The following GALNTL6 variants were observed in gnomAD, a reference collection of about 807,000 sequenced individuals.
GALNTL6 encodes the protein polypeptide N-acetylgalactosaminyltransferase-like 6.
A neutral mutation model predicts 73.7 loss-of-function variants in GALNTL6; 46 were observed. The observed-to-expected ratio is 0.62, with a 90% CI of 0.49 to 0.80. The LOEUF (loss-of-function observed/expected upper bound fraction) is 0.80. GALNTL6 is among the 30% of genes least tolerant of loss of function. The pLI is 0.00. For synonymous variants in GALNTL6, 259 were observed against 263.7 expected, an observed-to-expected ratio of 0.98 and a Z score of 0.17; for missense variants, 604 against 755.0, an observed-to-expected ratio of 0.80 and a Z score of 2.34.
At chr4:172,114,645 G>A (rs914861833) in intron 2 of GALNTL6, among the ~76,000 whole-genome samples, 20 of 152,080 alleles carry the variant, frequency 1.3e-4, no homozygotes, top group Non-Finnish European at 2.4e-4. Flanking sequence ...GAGGCCCAGA[G>A]ATTGACAATT....
intron 8 of GALNTL6, among the ~76,000 whole-genome samples, chr4:172,915,967 C>A (rs1293679942): frequency 6.6e-6 from 1 of 152,124 alleles, no homozygotes; most frequent in East Asian, 1.9e-4. Flanking sequence ...AGGCCAATAC[C>A]CCTGATGAAC....
intron 7 of GALNTL6, among the ~76,000 whole-genome samples, chr4:172,820,966 T>A (rs941764106): frequency 5.9e-5 from 9 of 152,192 alleles, no homozygotes; most frequent in Admixed American, 2.6e-4. Context: ...GTTAACTAGG[T>A]CTTCAGCTCT....
intron 4 of GALNTL6, among the ~76,000 whole-genome samples, chr4:172,334,058 A>C (rs1241938544): frequency 6.6e-6 from 1 of 152,114 alleles, no homozygotes; most frequent in Non-Finnish European, 1.5e-5. Context: ...ATCTATTTTT[A>C]TACCAATACC....
intron 2 of GALNTL6, among the ~76,000 whole-genome samples, chr4:172,106,430 G>A (rs1180300255): frequency 1.3e-5 from 2 of 152,052 alleles, no homozygotes; most frequent in African/African-American, 2.4e-5. Context: ...TTTAATCTAT[G>A]TAATAAACAT....
intron 2 of GALNTL6, among the ~76,000 whole-genome samples, chr4:171,941,765 G>C (rs1211794151): frequency 6.6e-6 from 1 of 152,112 alleles, no homozygotes; most frequent in Non-Finnish European, 1.5e-5. Flanking sequence ...CGAACTGGCA[G>C]AATTTTTTTC....
chr4:172,128,065 T>C (rs950328191), intron 2 of GALNTL6, among the ~76,000 whole-genome samples: 1 of 151,988 alleles, frequency 6.6e-6, no homozygotes, highest in African/African-American at 2.4e-5. Flanking sequence ...GATGGTGCCA[T>C]TGCATATCAG....
chr4:172,736,976 G>A (rs575995391), intron 5 of GALNTL6, among the ~76,000 whole-genome samples: 1 of 152,256 alleles, frequency 6.6e-6, no homozygotes, highest in South Asian at 2.1e-4. Context: ...CACCATGATT[G>A]TGAGGCATCC....
chr4:171,885,384 G>C (rs1736579372), intron 2 of GALNTL6, among the ~76,000 whole-genome samples: 1 of 152,132 alleles, frequency 6.6e-6, no homozygotes, highest in African/African-American at 2.4e-5. Context: ...TTTGTCTACA[G>C]AGTTAATCTT....
chr4:171,988,269 T>C (rs1466504551), intron 2 of GALNTL6, among the ~76,000 whole-genome samples: 4 of 152,080 alleles, frequency 2.6e-5, no homozygotes, highest in African/African-American at 9.7e-5. Flanking sequence ...GGATTGACGT[T>C]TGGGAGATTA....
intron 5 of GALNTL6, among the ~76,000 whole-genome samples, chr4:172,694,138 C>A (rs74546037): frequency 7.4e-6 from 1 of 135,282 alleles, no homozygotes; most frequent in Non-Finnish European, 1.6e-5. Flanking sequence ...TTTTTTTTTT[C>A]TTTTATTCTT....
At position 172,254,478 on chromosome 4, in the gene GALNTL6, C is replaced by CAA. The variant is rs1491213675; in HGVS notation, c.247+24715_247+24716insAA. ...TCCTCTCAGCTTTTAGAAGTTTAAACACACACACACTCCACTCCCACATAT... is the reference window on the plus strand; with the variant it reads ...TCCTCTCAGCTTTTAGAAGTTTAAACAAACACACACACTCCACTCCCACATAT... On this transcript the variant is annotated intron_variant, in intron 3 of 12. Transcript: ENST00000506823. Among the ~76,000 whole-genome samples, 7 of 23,094 alleles carry CAA rather than the reference C, an allele frequency of 3.0e-4. No homozygotes were observed. In the African/African-American group the frequency reaches 0.012, roughly 40 times the overall value. 15.2% of individuals were successfully genotyped at this position (23,094 alleles called of 152,430 possible). A position where few individuals can be genotyped will look rare whatever the true frequency, so the allele number is the denominator to read the frequency against.
chr4:172,604,635 C>A (rs1193830665), intron 5 of GALNTL6, among the ~76,000 whole-genome samples: 2 of 152,162 alleles, frequency 1.3e-5, no homozygotes, highest in Non-Finnish European at 2.9e-5. Flanking sequence ...ACACTAGCTG[C>A]ATATACCATC....
intron 8 of GALNTL6, among the ~76,000 whole-genome samples, chr4:172,924,920 A>C (rs1003740820): frequency 6.6e-6 from 1 of 152,136 alleles, no homozygotes; most frequent in Non-Finnish European, 1.5e-5. Flanking sequence ...TCGCCAGGCT[A>C]GAGTGCAGTG....
intron 5 of GALNTL6, among the ~76,000 whole-genome samples, chr4:172,349,794 G>C (rs1741877802): frequency 6.6e-6 from 1 of 150,526 alleles, no homozygotes; most frequent in Admixed American, 6.6e-5. Flanking sequence ...CTCCAGCCTG[G>C]GTGACAGAGC....
chr4:172,618,735 C>T (rs557160946), intron 5 of GALNTL6, among the ~76,000 whole-genome samples: 2 of 151,828 alleles, frequency 1.3e-5, no homozygotes, highest in Non-Finnish European at 2.9e-5. Flanking sequence ...GTTTTTGTTT[C>T]TTTTTTTGAG....
At chr4:171,895,166 A>T (rs1388656934) in intron 2 of GALNTL6, among the ~76,000 whole-genome samples, 1 of 152,228 alleles carries the variant, frequency 6.6e-6, no homozygotes, top group African/African-American at 2.4e-5. Context: ...ATCTGGACAC[A>T]ATATCTTGAA....
At chr4:171,976,483 A>G (rs1739724885) in intron 2 of GALNTL6, among the ~76,000 whole-genome samples, 1 of 152,330 alleles carries the variant, frequency 6.6e-6, no homozygotes, top group Admixed American at 6.5e-5. Context: ...CACATTTGAG[A>G]TAGGGTGTTC....
intron 3 of GALNTL6, among the ~76,000 whole-genome samples, chr4:172,310,460 G>T (rs961937510): frequency 6.6e-6 from 1 of 151,852 alleles, no homozygotes; most frequent in Non-Finnish European, 1.5e-5. Context: ...TAGTAGAGAC[G>T]GCATTTCGCC....
intron 3 of GALNTL6, among the ~76,000 whole-genome samples, chr4:172,288,053 G>A (rs941655024): frequency 6.6e-6 from 1 of 151,590 alleles, no homozygotes; most frequent in African/African-American, 2.4e-5. Flanking sequence ...TTATTCTGCT[G>A]TTTCCCAGTG....
Sources: allele counts gnomAD v4.1 joint callset (sites outside exome capture counted in the v4.1 genomes callset), GRCh38; gene constraint gnomAD v4.1.1; transcripts MANE v1.5; gene names NCBI Gene and HGNC (gene_info 2026-07-23, HGNC 2026-07-21).